Variants in KIRREL3 observed in about 807,000 individuals in gnomAD.
The protein encoded by KIRREL3 is kirre like nephrin family adhesion molecule 3, also known as kin of IRRE-like protein 3.
KIRREL3 carries 36 observed loss-of-function variants against 89.7 expected under a neutral mutation model. The observed-to-expected ratio is 0.40, with a 90% CI of 0.31 to 0.53. The LOEUF (loss-of-function observed/expected upper bound fraction) is 0.53, where lower values mean the gene tolerates loss of function less well. KIRREL3 is among the 20% of genes least tolerant of loss of function. The pLI, the probability that KIRREL3 is intolerant of heterozygous loss-of-function variation, is 0.49. For missense variants in KIRREL3, 864 were observed against 1,056.6 expected (o/e 0.82, Z 2.53); for synonymous variants, 445 against 441.4 (o/e 1.01, Z -0.10).
rs1946804192 is a variant in KIRREL3 at position 126,689,598 on chromosome 11, C to A, written c.56-126686G>T. On this transcript the variant is annotated intron_variant, in intron 1 of 16. Transcript: ENST00000525144. The surrounding 1 kb of genome is among the most constrained non-coding windows in gnomAD (Gnocchi z 5.2). ...GTGTAGACATGCCTGATTATTCTATCCAAACCCAGCCAGGAGATGGGAAGA... is the reference window on the plus strand; with the variant it reads ...GTGTAGACATGCCTGATTATTCTATACAAACCCAGCCAGGAGATGGGAAGA... 6.6e-6 allele frequency among the ~76,000 whole-genome samples: 1 copy of A among 152,208 alleles called. No homozygotes were observed. The highest frequency in any genetic ancestry group is 1.5e-5 in the Non-Finnish European group (1 of 68,040).
intron 4 of KIRREL3, among the ~76,000 whole-genome samples, chr11:126,509,991 C>CAAAAAAAAAAAAA (rs58061522): frequency 1.8e-4 from 11 of 62,052 alleles, no homozygotes; most frequent in Admixed American, 2.2e-4. Flanking sequence ...GACTCCGTCT[C>CAAAAAAAAAAAAA]AAAAAAAAAA....
intron 1 of KIRREL3, among the ~76,000 whole-genome samples, chr11:126,945,902 G>C (rs1168931375): frequency 6.6e-6 from 1 of 152,166 alleles, no homozygotes; most frequent in Non-Finnish European, 1.5e-5. Context: ...GTCCCTTTTA[G>C]TTCTAAAATA....
At position 126,995,218 on chromosome 11, in the gene KIRREL3, G is replaced by C. The variant is rs1279225884; in HGVS notation, c.55+5237C>G. On this transcript the variant is annotated intron_variant, in intron 1 of 16. Transcript: ENST00000525144. The surrounding 1 kb of genome is among the most constrained non-coding windows in gnomAD (Gnocchi z 6.5). ...GCTGCTCCCACCGACCCTGCTCCAAGAGTGCTGGGATGTCCGCTGGCCTCG... is the reference window on the plus strand; with the variant it reads ...GCTGCTCCCACCGACCCTGCTCCAACAGTGCTGGGATGTCCGCTGGCCTCG... 2 of 456,206 alleles carry C rather than the reference G, an allele frequency of 4.4e-6. No individual in the cohort carries two copies. The highest frequency in any genetic ancestry group is 8.8e-6 in the Non-Finnish European group (2 of 226,952). The allele number at this position is 456,206 out of a possible 1,614,324, so 28.3% of individuals were successfully genotyped here.
intron 1 of KIRREL3, among the ~76,000 whole-genome samples, chr11:126,717,213 G>A (rs1297646870): frequency 6.6e-6 from 1 of 152,150 alleles, no homozygotes; most frequent in African/African-American, 2.4e-5. Context: ...GCATCCTTTC[G>A]GAAGCCTGAG....
At chr11:126,711,024 C>T (rs980380632) in intron 1 of KIRREL3, among the ~76,000 whole-genome samples, 1 of 152,148 alleles carries the variant, frequency 6.6e-6, no homozygotes, top group Admixed American at 6.5e-5. Flanking sequence ...GAACTAAGTT[C>T]ACTTTCCCCC....
rs1001570886 is a variant in KIRREL3 at position 126,611,659 on chromosome 11, A to G, written c.56-48747T>C. Among the ~76,000 whole-genome samples, 1 of 152,114 alleles carries G rather than the reference A, an allele frequency of 6.6e-6. No individual in the cohort carries two copies. The highest frequency in any genetic ancestry group is 2.4e-5 in the African/African-American group (1 of 41,416). ...TTGCATTCCCGTGCCCTCCCCACAG[A>G]TGGCTGCTCTCTGGGCTGCACGCAC... On this transcript the variant is annotated intron_variant, in intron 1 of 16. Coordinates refer to ENST00000525144, the MANE Select transcript of KIRREL3 (RefSeq NM_032531.4). This position sits in a 1 kb window ranked among gnomAD's most constrained non-coding sequence, Gnocchi z 4.7.
chr11:126,888,153 T>A (rs1945772103), intron 1 of KIRREL3, among the ~76,000 whole-genome samples: 1 of 152,052 alleles, frequency 6.6e-6, no homozygotes, highest in Admixed American at 6.5e-5. Context: ...CATACTGGAG[T>A]GAGGCAGGTG....
rs1030850721 is a variant in KIRREL3, at chr11:126,643,476, G to A, written c.56-80564C>T. Among the ~76,000 whole-genome samples, 1 of 152,054 alleles carries A rather than the reference G, an allele frequency of 6.6e-6. No individual in the cohort carries two copies. Among genetic ancestry groups the A allele is most frequent in the Non-Finnish European group, 1.5e-5 (1 of 68,020 alleles). On this transcript the variant is annotated intron_variant, in intron 1 of 16. Coordinates refer to ENST00000525144, the MANE Select transcript of KIRREL3 (RefSeq NM_032531.4). The surrounding 1 kb of genome is among the most constrained non-coding windows in gnomAD (Gnocchi z 4.5). ...AGGGAAAAAACATGAGTATTGAAGT[G>A]GAAAAGAGGAGGTCATGGTTCAGGG...
At position 126,427,894 on chromosome 11, in the gene KIRREL3, TG is replaced by T. The variant is rs1487932104; in HGVS notation, c.1806+1284del. ...GAGGCCTGAAGTAAAGAAGTGATGG[TG>T]GAGGACAGGTGGGGCACACATTTGA... On this transcript the variant is annotated intron_variant, in intron 15 of 16. Transcript: ENST00000525144. The surrounding 1 kb of genome is among the most constrained non-coding windows in gnomAD (Gnocchi z 5.3). Among the ~76,000 whole-genome samples, 1 of 152,050 alleles carries T rather than the reference TG, an allele frequency of 6.6e-6. No individual in the cohort carries two copies. The highest frequency in any genetic ancestry group is 1.5e-5 in the Non-Finnish European group (1 of 68,002).
intron 1 of KIRREL3, among the ~76,000 whole-genome samples, chr11:126,855,539 T>TA (rs1353467390): frequency 1.3e-5 from 2 of 152,232 alleles, no homozygotes; most frequent in Admixed American, 6.5e-5. Context: ...AATGAACTAA[T>TA]ACACTTATTT....
intron 1 of KIRREL3, among the ~76,000 whole-genome samples, chr11:126,825,619 T>C (rs1253795109): frequency 6.6e-6 from 1 of 152,240 alleles, no homozygotes; most frequent in Non-Finnish European, 1.5e-5. Context: ...TTGTTGTCTA[T>C]ACTTACAAGG....
intron 1 of KIRREL3, among the ~76,000 whole-genome samples, chr11:126,727,695 G>A (rs1034091698): frequency 6.6e-6 from 1 of 152,174 alleles, no homozygotes; most frequent in Non-Finnish European, 1.5e-5. Flanking sequence ...TGGAGAATTC[G>A]ATTTTCTTCC....
At chr11:126,470,658 G>A (rs552696262) in intron 5 of KIRREL3, among the ~76,000 whole-genome samples, 1 of 152,188 alleles carries the variant, frequency 6.6e-6, no homozygotes, top group African/African-American at 2.4e-5. Context: ...AGTCTCTGAG[G>A]ACAAGGAAAA....
intron 1 of KIRREL3, among the ~76,000 whole-genome samples, chr11:126,975,685 C>T (rs1381058035): frequency 1.3e-5 from 2 of 152,122 alleles, no homozygotes; most frequent in Non-Finnish European, 2.9e-5. Context: ...CTGGGCCCTC[C>T]TGGAACTAAT....
Position 126,689,148 on chromosome 11 carries a change from A to T in KIRREL3, c.56-126236T>A, listed in dbSNP as rs893772658. On this transcript the variant is annotated intron_variant, in intron 1 of 16. Transcript: ENST00000525144. This position sits in a 1 kb window ranked among gnomAD's most constrained non-coding sequence, Gnocchi z 5.2. ...CCAGGTGATAAACTGGCCCACTGTG[A>T]TCTTGCAGGAAACATCAACAGTCTG... Among the ~76,000 whole-genome samples the T allele has an allele frequency of 1.3e-5, 2 of 151,880 alleles. No homozygotes were observed. The highest frequency in any genetic ancestry group is 4.8e-5 in the African/African-American group (2 of 41,328).
intron 2 of KIRREL3, chr11:126,549,697 C>G (rs558659511): frequency 3.3e-5 from 5 of 152,324 alleles, no homozygotes; most frequent in African/African-American, 1.2e-4. Context: ...GGAGGCCTCC[C>G]CGGTGCAGTT....
At position 126,424,926 on chromosome 11, in the gene KIRREL3, G is replaced by A. The variant is rs200640353; in HGVS notation, c.1991C>T (p.Ala664Val). 32 of 1,602,660 alleles carry A rather than the reference G, an allele frequency of 2.0e-5. No homozygotes were observed. Among genetic ancestry groups the A allele is most frequent in the Non-Finnish European group, 2.6e-5 (31 of 1,171,422 alleles). ...LSSCQPDLRP[A>V]GKQRVPTGMS... ...GCCTGTGGGCACACGCTGCTTGCCC[G>A]CAGGACGCAGGTCGGGCTGGCAGCT... Residue 664 changes from alanine to valine, a missense_variant, in exon 17 of 17, where the codon GCG becomes GTG. Transcript: ENST00000525144.
chr11:126,604,128 C>T lies in KIRREL3; in HGVS notation c.56-41216G>A, dbSNP rs147752898. ...TACTGATAATCCTTCACATGAGGCC[C>T]GATGCTAGGCTGTGGAAATCAAAGA... On this transcript the variant is annotated intron_variant, in intron 1 of 16. Coordinates refer to ENST00000525144, the MANE Select transcript of KIRREL3 (RefSeq NM_032531.4). Among the ~76,000 whole-genome samples, 284 of 152,252 alleles carry T rather than the reference C, an allele frequency of 1.9e-3. 2 individuals carry two copies. The highest frequency in any genetic ancestry group is 5.4e-3 in the Admixed American group (82 of 15,306).
intron 1 of KIRREL3, among the ~76,000 whole-genome samples, chr11:126,852,697 A>G (rs1423049295): frequency 6.6e-6 from 1 of 152,234 alleles, no homozygotes; most frequent in Non-Finnish European, 1.5e-5. Context: ...TCTGAGCTGA[A>G]AACATGTGTT....
Sources: allele counts gnomAD v4.1 joint callset (sites outside exome capture counted in the v4.1 genomes callset), GRCh38; gene constraint gnomAD v4.1.1; non-coding constraint Gnocchi (gnomAD v3.1); transcripts MANE v1.5; gene names NCBI Gene and HGNC (gene_info 2026-07-23, HGNC 2026-07-21).